Variants in TDRD5 observed in about 807,000 individuals in gnomAD.
TDRD5 encodes the protein tudor domain-containing protein 5.
In TDRD5, 41 loss-of-function variants were observed where a neutral mutation model predicts 120.6. That is an observed-to-expected ratio of 0.34 (90% CI 0.26 to 0.44). The LOEUF (loss-of-function observed/expected upper bound fraction) is 0.44, where lower values mean the gene tolerates loss of function less well. Among genes scored for constraint, TDRD5 ranks in the 20% least tolerant of loss-of-function variants. TDRD5 has a pLI of 1.00. For synonymous variants in TDRD5, 430 were observed against 433.7 expected (o/e 0.99, Z 0.11); for missense variants, 1,006 against 1,221.2 (o/e 0.82, Z 2.63).
rs146555544 is a variant in TDRD5 at position 179,656,701 on chromosome 1, T to G, written c.2322+2339T>G. Among the ~76,000 whole-genome samples, 396 of 152,350 alleles carry G rather than the reference T, an allele frequency of 2.6e-3. 2 individuals carry two copies. The highest frequency in any genetic ancestry group is 9.2e-3 in the African/African-American group (384 of 41,586). ...TTCTCCAGTGACCTATATGTTTGTC[T>G]CTTCATCACTACCACATTGTCTTGA... is the stretch of plus-strand genomic sequence containing the variant. On this transcript the variant is annotated intron_variant, in intron 14 of 17. Transcript: ENST00000444136.
intron 17 of TDRD5, among the ~76,000 whole-genome samples, chr1:179,683,437 C>T (rs756898358): frequency 1.3e-5 from 2 of 152,160 alleles, no homozygotes; most frequent in Non-Finnish European, 2.9e-5. Flanking sequence ...TGTAAAATCA[C>T]ATTATTTAAT....
chr1:179,656,670 A>G lies in TDRD5; in HGVS notation c.2322+2308A>G, dbSNP rs142319776. ...TTCTGTAAGTCTATTTCTAGACTCT[A>G]TATTCTTCTCCAGTGACCTATATGT... On this transcript the variant is annotated intron_variant, in intron 14 of 17. Transcript: ENST00000444136. Among the ~76,000 whole-genome samples the G allele has an allele frequency of 2.8e-3, 419 of 152,336 alleles. 3 individuals carry two copies. Among genetic ancestry groups the G allele is most frequent in the African/African-American group, 9.5e-3 (395 of 41,582 alleles).
intron 7 of TDRD5, among the ~76,000 whole-genome samples, chr1:179,633,965 A>T (rs1013107579): frequency 1.3e-5 from 2 of 151,752 alleles, no homozygotes; most frequent in Admixed American, 1.3e-4. Flanking sequence ...AGGTCAGGAG[A>T]TAGAGACCAT....
intron 6 of TDRD5, among the ~76,000 whole-genome samples, chr1:179,626,123 T>G (rs955691288): frequency 5.9e-5 from 9 of 151,596 alleles, no homozygotes; most frequent in Non-Finnish European, 1.2e-4. Flanking sequence ...AGATGACGAG[T>G]TAGTGGGTGC....
At chr1:179,611,849 C>T (rs985860251) in intron 4 of TDRD5, among the ~76,000 whole-genome samples, 2 of 152,190 alleles carry the variant, frequency 1.3e-5, no homozygotes, top group Non-Finnish European at 2.9e-5. Context: ...AACCACATTT[C>T]ACTTCCAGTT....
intron 13 of TDRD5, among the ~76,000 whole-genome samples, 198 bp downstream of exon 13, chr1:179,652,395 G>T (rs1678771307): frequency 6.6e-6 from 1 of 152,038 alleles, no homozygotes; most frequent in Non-Finnish European, 1.5e-5. Context: ...CTCTCATATA[G>T]TAAATTCCAT....
intron 9 of TDRD5, 84 bp from the exon 10 acceptor site, chr1:179,639,755 G>C: frequency 6.9e-7 from 1 of 1,444,118 alleles, no homozygotes; most frequent in East Asian, 2.3e-5. Context: ...TTTTTGCCAA[G>C]ACTTTCTGGC....
intron 6 of TDRD5, among the ~76,000 whole-genome samples, chr1:179,624,439 A>C (rs1463851341): frequency 2.0e-5 from 3 of 152,164 alleles, no homozygotes; most frequent in South Asian, 2.1e-4. Context: ...CAATGTAATA[A>C]GGAAATAAAA....
rs756500033 is a variant in TDRD5 at position 179,624,326 on chromosome 1, T to C, written c.972+3235T>C. ...TGAAAACCTATTAATATACTTGTCA[T>C]ACTCAATGGTGAAACACTGAACAAT... On this transcript the variant is annotated intron_variant, in intron 6 of 17. Transcript: ENST00000444136. Among the ~76,000 whole-genome samples the C allele has an allele frequency of 7.9e-5, 12 of 152,200 alleles. No individual in the cohort carries two copies. The East Asian group carries it at 2.3e-3, about 29-fold the overall frequency.
At chr1:179,610,986 T>G (rs1453366221) in intron 4 of TDRD5, among the ~76,000 whole-genome samples, 4 of 152,168 alleles carry the variant, frequency 2.6e-5, no homozygotes, top group African/African-American at 9.6e-5. Flanking sequence ...ATGCCTTTCA[T>G]TGCAGATATT....
In TDRD5 at chr1:179,606,504, A is replaced by T. The variant is rs1025401484; in HGVS notation, c.831+10686A>T. 2.0e-5 allele frequency among the ~76,000 whole-genome samples: 3 copies of T among 152,114 alleles called. No homozygotes were observed. In the South Asian group the frequency reaches 6.2e-4, roughly 31 times the overall value. ...CCTTTGGTGTTGTTTCTAGAAACTC[A>T]TCGCCTTATCCAAAGTCAGCTAGTG... On this transcript the variant is annotated intron_variant, in intron 4 of 17. Coordinates refer to ENST00000444136, the MANE Select transcript of TDRD5 (RefSeq NM_001199085.3).
At chr1:179,605,511 TG>T (rs1675925590) in intron 4 of TDRD5, among the ~76,000 whole-genome samples, 1 of 152,152 alleles carries the variant, frequency 6.6e-6, no homozygotes, top group Non-Finnish European at 1.5e-5. Context: ...TTGCTCTTGG[TG>T]TTGTACATTC....
intron 16 of TDRD5, among the ~76,000 whole-genome samples, chr1:179,666,923 G>A (rs954404615): frequency 6.6e-6 from 1 of 152,218 alleles, no homozygotes; most frequent in Non-Finnish European, 1.5e-5. Context: ...AGACTAACCT[G>A]TAGTTCCATC....
intron 11 of TDRD5, among the ~76,000 whole-genome samples, chr1:179,646,465 G>A (rs1263508942): frequency 6.6e-6 from 1 of 151,744 alleles, no homozygotes. Context: ...AAAATAATAA[G>A]AGCTATCTAT....
Position 179,690,761 on chromosome 1 carries a change from A to G in TDRD5, c.2926A>G (p.Lys976Glu). The stretch of plus-strand genomic sequence containing the variant: ...TAGCAGCCGTGCTATTACATTGTAC[A>G]AAGACAAGCGTCAAGAATCTGTAGA... ...FSSSRAITLY[K>E]DKRQESVDQL... The change falls in exon 18 of 18, where the codon AAA becomes GAA. Residue 976 changes from lysine (K) to glutamate (E), a missense_variant. Physicochemically the swap from Lys to Glu is moderately conservative, Grantham distance 56. This residue lies in a region of TDRD5 where 403 missense variants were observed against 448.1 expected (regional missense o/e 0.90). Transcript: ENST00000444136. 1.2e-6 allele frequency: 2 copies of G among 1,614,250 alleles called. No homozygotes were observed. Among genetic ancestry groups the G allele is most frequent in the Non-Finnish European group, 1.7e-6 (2 of 1,180,040 alleles).
chr1:179,604,268 C>T (rs976248777), intron 4 of TDRD5, among the ~76,000 whole-genome samples: 1 of 151,736 alleles, frequency 6.6e-6, no homozygotes, highest in Non-Finnish European at 1.5e-5. Flanking sequence ...TTTCTCTCTT[C>T]TCTTCTTGGT....
At position 179,639,852 on chromosome 1, in the gene TDRD5, A is replaced by G. The variant is rs1018491458; in HGVS notation, c.1534A>G (p.Asn512Asp). ...MMIEMRRCYS[N>D]QLVSDRYVMP... The stretch of plus-strand genomic sequence containing the variant: ...GGAATTCCACAGGCGCTGTTATTCT[A>G]ATCAGCTGGTTTCTGATCGATATGT... Residue 512 changes from asparagine to aspartate, a missense_variant, in exon 10 of 18, where the codon AAT becomes GAT. Transcript: ENST00000444136. The G allele has an allele frequency of 2.5e-6, 4 of 1,613,938 alleles. No homozygotes were observed. The highest frequency in any genetic ancestry group is 1.3e-5 in the African/African-American group (1 of 74,914).
At chr1:179,637,917 T>C (rs563608207) in intron 9 of TDRD5, among the ~76,000 whole-genome samples, 1 of 152,256 alleles carries the variant, frequency 6.6e-6, no homozygotes, top group South Asian at 2.1e-4. Flanking sequence ...AAAGAGATAA[T>C]TGAGCTAGGC....
At chr1:179,651,502 C>CTAGAGAACTGTT (rs1678710740) in intron 12 of TDRD5, among the ~76,000 whole-genome samples, 5 of 151,816 alleles carry the variant, frequency 3.3e-5, no homozygotes, top group Non-Finnish European at 7.4e-5. Flanking sequence ...CTGAAACTGT[C>CTAGAGAACTGTT]CTAGAGAAGA....
Sources: allele counts gnomAD v4.1 joint callset (sites outside exome capture counted in the v4.1 genomes callset), GRCh38; gene constraint gnomAD v4.1.1; regional missense constraint gnomAD v4.1.1; transcripts MANE v1.5; gene names NCBI Gene and HGNC (gene_info 2026-07-23, HGNC 2026-07-21).